Variants in FBN2 observed in about 807,000 individuals in gnomAD.
FBN2 encodes the protein fibrillin 2.
FBN2 carries 105 observed loss-of-function variants against 355.6 expected under a neutral mutation model. The ratio of observed to expected loss-of-function variants is 0.30; its 90% CI spans 0.25 to 0.35. The LOEUF is 0.35. FBN2 is among the 10% of genes least tolerant of loss of function. The pLI is 1.00. For missense variants in FBN2, 3,280 were observed against 3,758.7 expected (o/e 0.87, Z 3.33); for synonymous variants, 1,350 against 1,301.2 (o/e 1.04, Z -0.81).
At chr5:128,432,049 T>C (rs1753640249) in intron 7 of FBN2, among the ~76,000 whole-genome samples, 1 of 152,182 alleles carries the variant, frequency 6.6e-6, no homozygotes, top group Non-Finnish European at 1.5e-5. Context: ...TACAATAACA[T>C]GTCCCAAACT....
chr5:128,355,209 T>C (rs73784586), intron 20 of FBN2, among the ~76,000 whole-genome samples: 5,574 of 152,248 alleles, frequency 0.037, 344 homozygotes, highest in African/African-American at 0.13. Flanking sequence ...GGAATGAGAA[T>C]AGACCATTGG....
In FBN2 at chr5:128,296,257, T is replaced by A. The variant is rs573941317; in HGVS notation, c.6166+4560A>T. 8.9e-3 allele frequency among the ~76,000 whole-genome samples: 1,348 copies of A among 151,504 alleles called. 11 individuals are homozygous for A. The highest frequency in any genetic ancestry group is 0.014 in the Non-Finnish European group (934 of 67,542). On this transcript the variant is annotated intron_variant, in intron 48 of 64. Transcript: ENST00000262464. ...GGTTTGCCAGTATTTTATTGAGGAT[T>A]TTTGCATCAATGTTCATCAAGGATA...
At chr5:128,272,911 A>C (rs1379556465) in intron 61 of FBN2, among the ~76,000 whole-genome samples, 1 of 152,174 alleles carries the variant, frequency 6.6e-6, no homozygotes, top group Non-Finnish European at 1.5e-5. Context: ...CGTCTCAACG[A>C]TTTGAAAGAT....
In FBN2 at chr5:128,328,792, G is replaced by C. The variant is rs863223573; in HGVS notation, c.4375C>G (p.Leu1459Val). ...DVDECAENIN[L>V]CENGQCLNVP... ...TTAAGGCACTGTCCGTTCTCACAGA[G>C]GTTTATGTTTTCTGCACACTCATCA... is the stretch of plus-strand genomic sequence containing the variant. Residue 1459 changes from leucine to valine, a missense_variant, in exon 34 of 65, where the codon CTC becomes GTC. Leu to Val is a conservative substitution (Grantham distance 32). Around this residue, in one of 6 missense-constraint regions of FBN2, gnomAD observed 2,284 missense variants for 2,749.5 expected, o/e 0.83. Transcript: ENST00000262464. The C allele has an allele frequency of 6.2e-7, 1 of 1,614,102 alleles. No individual in the cohort carries two copies. The highest frequency in any genetic ancestry group is 8.5e-7 in the Non-Finnish European group (1 of 1,180,000).
intron 8 of FBN2, among the ~76,000 whole-genome samples, chr5:128,402,193 C>A (rs1448548801): frequency 6.6e-6 from 1 of 151,910 alleles, no homozygotes; most frequent in Non-Finnish European, 1.5e-5. Flanking sequence ...AAAAGAGGCA[C>A]CTGTTAGAAA....
chr5:128,355,648 T>C (rs1219775716), intron 20 of FBN2, among the ~76,000 whole-genome samples: 1 of 152,212 alleles, frequency 6.6e-6, no homozygotes, highest in East Asian at 1.9e-4. Flanking sequence ...ATTCATGACT[T>C]GTCCTGTGTA....
chr5:128,466,267 C>T (rs1490737739), intron 5 of FBN2, among the ~76,000 whole-genome samples: 3 of 152,126 alleles, frequency 2.0e-5, no homozygotes, highest in Admixed American at 2.0e-4. Context: ...TATGTCAATA[C>T]AGTTTATTAA....
chr5:128,311,152 T>C (rs1750044409), intron 39 of FBN2, 148 bp downstream of exon 39: 2 of 738,910 alleles, frequency 2.7e-6, no homozygotes, highest in East Asian at 5.4e-5. Context: ...TCATACAACT[T>C]AGCTACATTG....
intron 20 of FBN2, among the ~76,000 whole-genome samples, chr5:128,356,955 G>A (rs1010892929): frequency 6.6e-6 from 1 of 152,170 alleles, no homozygotes; most frequent in Non-Finnish European, 1.5e-5. Context: ...ATGGAGTAGA[G>A]ATTTGATTAT....
rs1749857750 is a variant in FBN2, at chr5:128,305,861, G to A, written c.5510C>T (p.Thr1837Ile). The A allele has an allele frequency of 1.2e-6, 2 of 1,613,844 alleles. No homozygotes were observed. Among genetic ancestry groups the A allele is most frequent in the South Asian group, 1.1e-5 (1 of 91,082 alleles). ...QIGSFRCECP[T>I]GFSYNDLLLV... ...CAGCAGGTCATTGTAACTGAATCCTGTAGGGCATTCACAGCGGAAACTGCC... is the reference window on the plus strand; with the variant it reads ...CAGCAGGTCATTGTAACTGAATCCTATAGGGCATTCACAGCGGAAACTGCC... The change falls in exon 43 of 65, where the codon ACA becomes ATA. Residue 1837 changes from threonine to isoleucine, a missense_variant. Around this residue, in one of 6 missense-constraint regions of FBN2, gnomAD observed 2,284 missense variants for 2,749.5 expected, o/e 0.83. Coordinates refer to ENST00000262464, the MANE Select transcript of FBN2 (RefSeq NM_001999.4).
intron 53 of FBN2, 146 bp downstream of exon 53, chr5:128,288,292 A>G: frequency 1.2e-6 from 1 of 835,756 alleles, no homozygotes; most frequent in Non-Finnish European, 1.9e-6. Flanking sequence ...CTAAAAACCA[A>G]CCAACCAAAC....
chr5:128,463,853 T>C (rs1238129316), intron 6 of FBN2, among the ~76,000 whole-genome samples: 1 of 152,094 alleles, frequency 6.6e-6, no homozygotes, highest in Non-Finnish European at 1.5e-5. Context: ...ACCCTAACTC[T>C]CAAAGTCTCA....
chr5:128,411,841 T>C (rs1335823991), intron 7 of FBN2, among the ~76,000 whole-genome samples: 1 of 152,238 alleles, frequency 6.6e-6, no homozygotes, highest in Non-Finnish European at 1.5e-5. Flanking sequence ...TATCCATCAA[T>C]TTAAATTTAG....
intron 5 of FBN2, among the ~76,000 whole-genome samples, chr5:128,508,618 T>G (rs905348577): frequency 6.6e-6 from 1 of 152,064 alleles, no homozygotes; most frequent in Non-Finnish European, 1.5e-5. Context: ...CTAAAAAGAT[T>G]TAAAATACTA....
chr5:128,437,510 G>C (rs1051849419), intron 7 of FBN2, among the ~76,000 whole-genome samples: 20 of 152,102 alleles, frequency 1.3e-4, no homozygotes, highest in Non-Finnish European at 2.2e-4. Flanking sequence ...CCTATACAAA[G>C]TGATGGTTAT....
chr5:128,429,230 T>C (rs1304499115), intron 7 of FBN2, among the ~76,000 whole-genome samples: 1 of 152,116 alleles, frequency 6.6e-6, no homozygotes, highest in Non-Finnish European at 1.5e-5. Context: ...TTCTCTTCAA[T>C]CTCCTTAAGG....
At chr5:128,465,941 T>C (rs1009750350) in intron 5 of FBN2, among the ~76,000 whole-genome samples, 14 of 152,192 alleles carry the variant, frequency 9.2e-5, no homozygotes, top group Non-Finnish European at 1.8e-4. Context: ...CGGGCATTAA[T>C]ATGCACCTTG....
intron 34 of FBN2, among the ~76,000 whole-genome samples, chr5:128,327,163 T>C (rs1483634612): frequency 4.6e-5 from 7 of 152,226 alleles, no homozygotes; most frequent in Admixed American, 4.6e-4. Context: ...CACCCTACAG[T>C]TGCCTTATAT....
chr5:128,318,768 T>G, intron 35 of FBN2, 111 bp downstream of exon 35: 1 of 1,098,238 alleles, frequency 9.1e-7, no homozygotes, highest in Non-Finnish European at 1.3e-6. Context: ...CTGAAAAATG[T>G]GTAACCTAAT....
Sources: gnomAD v4.1 joint callset for allele counts (sites outside exome capture counted in the v4.1 genomes callset) on GRCh38, gnomAD v4.1.1 for gene constraint, gnomAD v4.1.1 regional missense constraint, MANE v1.5 for transcripts, NCBI Gene and HGNC (gene_info 2026-07-23, HGNC 2026-07-21) for gene names.